Variants in GTF2IRD1 observed in about 807,000 individuals in gnomAD.
GTF2IRD1 encodes the protein GTF2I repeat domain containing 1.
Under a neutral mutation model 113.2 loss-of-function variants are expected in GTF2IRD1, and 26 were observed. The observed-to-expected ratio is 0.23, with a 90% CI of 0.17 to 0.32. The LOEUF is 0.32. GTF2IRD1 is among the 10% of genes least tolerant of loss of function. GTF2IRD1 has a pLI of 1.00. For missense variants in GTF2IRD1, 864 were observed against 1,280.8 expected, an observed-to-expected ratio of 0.67 and a Z score of 4.97; for synonymous variants, 484 against 529.1, an observed-to-expected ratio of 0.91 and a Z score of 1.17.
intron 23 of GTF2IRD1, 116 bp downstream of exon 23, chr7:74,590,044 G>A: frequency 1.5e-6 from 1 of 654,218 alleles, no homozygotes; most frequent in South Asian, 1.7e-5. Context: ...CTGCTCCCTG[G>A]TGACATGGCT....
In GTF2IRD1 at chr7:74,519,023, T is replaced by C. The variant is rs1797111478; in HGVS notation, c.606-386T>C. 2.0e-5 allele frequency among the ~76,000 whole-genome samples: 3 copies of C among 152,248 alleles called. No homozygotes were observed. The South Asian group carries it at 6.2e-4, about 32-fold the overall frequency. ...TGAGGCTGGTCTGAGGCAGTACCAG[T>C]TGTCAGGAGAGCCAAGAAGGCAGCC... On this transcript the variant is annotated intron_variant, in intron 5 of 26. Coordinates refer to ENST00000424337, the MANE Select transcript of GTF2IRD1 (RefSeq NM_005685.4).
At chr7:74,593,314 G>A (rs1554370560) in intron 24 of GTF2IRD1, among the ~76,000 whole-genome samples, 3 of 149,066 alleles carry the variant, frequency 2.0e-5, no homozygotes, top group Non-Finnish European at 3.0e-5. Flanking sequence ...GGTGGCTCAC[G>A]CCTGTAATCC....
intron 22 of GTF2IRD1, among the ~76,000 whole-genome samples, chr7:74,573,763 G>A (rs1377662226): frequency 1.3e-5 from 2 of 152,158 alleles, no homozygotes; most frequent in Non-Finnish European, 2.9e-5. Flanking sequence ...AGAGGAGGGA[G>A]GTGGAGGTTG....
At chr7:74,476,788 C>T (rs7790360) in intron 1 of GTF2IRD1, among the ~76,000 whole-genome samples, 22,784 of 152,078 alleles carry the variant, frequency 0.15, 2,168 homozygotes, top group African/African-American at 0.27. Flanking sequence ...GGTCACTCCC[C>T]ACATGAGGAG....
intron 1 of GTF2IRD1, among the ~76,000 whole-genome samples, chr7:74,465,775 AT>A (rs1793670214): frequency 6.6e-6 from 1 of 151,526 alleles, no homozygotes; most frequent in Non-Finnish European, 1.5e-5. Flanking sequence ...GCCTCAATTT[AT>A]TTATTTTTTT....
chr7:74,588,066 T>C (rs1801823804), intron 22 of GTF2IRD1, among the ~76,000 whole-genome samples: 1 of 151,886 alleles, frequency 6.6e-6, no homozygotes, highest in African/African-American at 2.4e-5. Context: ...GTTCAGCCAC[T>C]TCCAGGACAT....
In GTF2IRD1 at chr7:74,555,723, G is replaced by C. The variant is rs1554356636; in HGVS notation, c.2023+229G>C. On this transcript the variant is annotated intron_variant, in intron 19 of 26. Transcript: ENST00000424337. This position sits in a 1 kb window ranked among gnomAD's most constrained non-coding sequence, Gnocchi z 5.3. ...CAGGTGGACGGTCGGGGGAGCCCAG[G>C]AGCCTGCCTGCCCCCTCCCTGCCCC... 6.6e-6 allele frequency among the ~76,000 whole-genome samples: 1 copy of C among 151,996 alleles called. No homozygotes were observed. The highest frequency in any genetic ancestry group is 1.5e-5 in the Non-Finnish European group (1 of 68,008).
intron 1 of GTF2IRD1, among the ~76,000 whole-genome samples, chr7:74,487,838 A>G (rs191625001): frequency 6.6e-6 from 1 of 152,348 alleles, no homozygotes; most frequent in East Asian, 1.9e-4. Flanking sequence ...CTTCAGAAAT[A>G]TAGAGGACAT....
intron 1 of GTF2IRD1, among the ~76,000 whole-genome samples, chr7:74,464,302 A>G (rs1344492960): frequency 2.6e-5 from 4 of 152,188 alleles, no homozygotes; most frequent in African/African-American, 7.2e-5. Flanking sequence ...GAGCCCAGCA[A>G]GAGTTTGTCA....
chr7:74,572,940 C>G (rs1379338258), intron 22 of GTF2IRD1, among the ~76,000 whole-genome samples: 3 of 152,088 alleles, frequency 2.0e-5, no homozygotes, highest in African/African-American at 7.2e-5. Flanking sequence ...AGAGTTGGCC[C>G]GACGCCTCCT....
intron 22 of GTF2IRD1, among the ~76,000 whole-genome samples, chr7:74,587,725 A>T (rs1235938245): frequency 6.6e-6 from 1 of 152,044 alleles, no homozygotes; most frequent in Non-Finnish European, 1.5e-5. Context: ...GCTCTGCCCC[A>T]GACCCCATCT....
intron 26 of GTF2IRD1, 172 bp from the exon 27 acceptor site, chr7:74,602,193 G>A: frequency 1.5e-6 from 1 of 649,602 alleles, no homozygotes; most frequent in Non-Finnish European, 2.3e-6. Flanking sequence ...AGTGAGCCGA[G>A]ATTGCATCAC....
chr7:74,488,446 T>C (rs1401812627), intron 1 of GTF2IRD1, among the ~76,000 whole-genome samples: 1 of 152,196 alleles, frequency 6.6e-6, no homozygotes, highest in African/African-American at 2.4e-5. Context: ...TTAAGTAGGA[T>C]GTTTTTAGCT....
intron 3 of GTF2IRD1, among the ~76,000 whole-genome samples, chr7:74,514,010 C>G (rs1311779810): frequency 2.0e-5 from 3 of 152,040 alleles, no homozygotes; most frequent in African/African-American, 7.3e-5. Flanking sequence ...GTCCCCATCT[C>G]AAAAGAACCA....
At chr7:74,544,850 C>G (rs782232030) in intron 15 of GTF2IRD1, 48 bp downstream of exon 15, 1 of 1,477,848 alleles carries the variant, frequency 6.8e-7, no homozygotes, top group South Asian at 1.2e-5. Context: ...CCCACCCCAT[C>G]TCTCTTCCCC....
intron 22 of GTF2IRD1, among the ~76,000 whole-genome samples, chr7:74,571,906 A>T (rs1800714651): frequency 6.6e-6 from 1 of 151,564 alleles, no homozygotes; most frequent in African/African-American, 2.4e-5. Flanking sequence ...TTCCACTTAC[A>T]CTCACCTCTC....
chr7:74,471,702 C>CA lies in GTF2IRD1; in HGVS notation c.-7+17534dup, dbSNP rs1554332423. Among the ~76,000 whole-genome samples the CA allele has an allele frequency of 3.0e-3, 63 of 21,330 alleles. 2 individuals are homozygous for CA. The highest frequency in any genetic ancestry group is 7.1e-3 in the African/African-American group (50 of 7,048). The allele number at this position is 21,330 out of a possible 152,430, so 14.0% of individuals were successfully genotyped here. On this transcript the variant is annotated intron_variant, in intron 1 of 26. Transcript: ENST00000424337. Reference sequence around the variant, plus strand: ...AAAAAAAAAAAAACAAAAAAAAAAACAAAAAAAACGGCCGGGTGCGGTGGC... The same window carrying CA: ...AAAAAAAAAAAAACAAAAAAAAAAACAAAAAAAAACGGCCGGGTGCGGTGGC...
chr7:74,568,200 G>A (rs1554361302), intron 22 of GTF2IRD1, among the ~76,000 whole-genome samples: 1 of 151,834 alleles, frequency 6.6e-6, no homozygotes, highest in Non-Finnish European at 1.5e-5. Flanking sequence ...AAGAAAAGGA[G>A]CACCCTGCTT....
chr7:74,560,557 A>T (rs1418548135), intron 22 of GTF2IRD1, among the ~76,000 whole-genome samples: 3 of 147,288 alleles, frequency 2.0e-5, no homozygotes, highest in African/African-American at 7.4e-5. Flanking sequence ...TAAAAATATT[A>T]TATATATAAT....
Sources: gnomAD v4.1 joint callset for allele counts (sites outside exome capture counted in the v4.1 genomes callset) on GRCh38, gnomAD v4.1.1 for gene constraint, Gnocchi (gnomAD v3.1) non-coding constraint, MANE v1.5 for transcripts, NCBI Gene and HGNC (gene_info 2026-07-23, HGNC 2026-07-21) for gene names.